Variants in TTN observed in about 807,000 individuals in gnomAD.
TTN encodes titin.
Under a neutral mutation model 3,223.0 loss-of-function variants are expected in TTN, and 1,525 were observed. The ratio of observed to expected loss-of-function variants is 0.47; its 90% CI spans 0.45 to 0.49. The LOEUF (loss-of-function observed/expected upper bound fraction) is 0.49. Among genes scored for constraint, TTN ranks in the 20% least tolerant of loss-of-function variants. TTN has a pLI of 0.00. For synonymous variants in TTN, 14,094 were observed against 15,161.0 expected, an observed-to-expected ratio of 0.93 and a Z score of 5.17; for missense variants, 40,786 against 43,424.0, an observed-to-expected ratio of 0.94 and a Z score of 5.40.
chr2:178,624,321 A>T (rs2058716226), intron 242 of TTN, 144 bp downstream of exon 242: 1 of 942,330 alleles, frequency 1.1e-6, no homozygotes, highest in African/African-American at 1.7e-5. Context: ...CACATAAAGG[A>T]TCAGGTTAGG....
At chr2:178,555,856 C>T (rs1186425376) in intron 330 of TTN, 3 of 152,262 alleles carry the variant, frequency 2.0e-5, no homozygotes, top group Non-Finnish European at 4.4e-5. Context: ...ATACCTGACT[C>T]TCATGACGTT....
rs397517570 is a variant in TTN, at chr2:178,781,121, C to T, written c.3523G>A (p.Ala1175Thr). The change falls in exon 21 of 363, where the codon GCT (alanine) becomes ACT (threonine). Residue 1175 changes from alanine to threonine, a missense_variant and splice_region_variant. By Grantham distance (58) the Ala-to-Thr change is moderately conservative. Coordinates refer to ENST00000589042, the MANE Select transcript of TTN (RefSeq NM_001267550.2). ...ACATAGAAACTGGAGTTGCACTTAC[C>T]TTCTTCAAGCAAGGAAGCAGATGCA... ...TSASASLLEE[A>T]DYELLMKSQQ... The T allele has an allele frequency of 8.1e-5, 131 of 1,613,912 alleles. 1 individual carries two copies. In the South Asian group the frequency reaches 1.1e-3, roughly 14 times the overall value.
intron 288 of TTN, chr2:178,600,555 G>A: frequency 2.6e-6 from 1 of 378,626 alleles, no homozygotes; most frequent in Non-Finnish European, 5.0e-6. Flanking sequence ...TGTCCCTTTT[G>A]AGGAGCATGC....
chr2:178,704,869 C>G lies in TTN; in HGVS notation c.29694+8G>C. On this transcript the variant is annotated splice_region_variant and intron_variant, in intron 104 of 362. Transcript: ENST00000589042. ...TGTTCATTTTATTATCAACATAATT[C>G]TTTTTACCTCTGTCTGTGACAGTCT... 3 of 1,611,832 alleles carry G rather than the reference C, an allele frequency of 1.9e-6. No individual in the cohort carries two copies. The highest frequency in any genetic ancestry group is 2.5e-6 in the Non-Finnish European group (3 of 1,179,336).
Position 178,706,915 on chromosome 2 carries a change from A to G in TTN, c.29081T>C (p.Val9694Ala). Residue 9694 changes from valine to alanine, a missense_variant, in exon 101 of 363, where the codon GTA becomes GCA. By Grantham distance (64) the Val-to-Ala change is moderately conservative. Transcript: ENST00000589042. ...AVAPATKKAA[V>A]DGRLFFVSEP... is the part of the protein sequence containing the mutation. ...TGACACAAAAAAGAGTCTTCCATCT[A>G]CCGCAGCTTTCTTGGTTGCTGGGGC... The G allele has an allele frequency of 6.2e-7, 1 of 1,612,200 alleles. No homozygotes were observed. Among genetic ancestry groups the G allele is most frequent in the Non-Finnish European group, 8.5e-7 (1 of 1,179,094 alleles).
In TTN at chr2:178,725,959, G is replaced by A; in HGVS notation, c.20363C>T (p.Pro6788Leu). The A allele has an allele frequency of 6.2e-7, 1 of 1,611,966 alleles. No homozygotes were observed. The highest frequency in any genetic ancestry group is 8.5e-7 in the Non-Finnish European group (1 of 1,178,862). Residue 6788 changes from proline (P) to leucine (L), a missense_variant, in exon 70 of 363, where the codon CCA (proline) becomes CTA (leucine). By Grantham distance (98) the Pro-to-Leu change is moderately conservative. Coordinates refer to ENST00000589042, the MANE Select transcript of TTN (RefSeq NM_001267550.2). ...VSLECELSGTPPFEVVWYKDK... is the reference protein window; with the variant it reads ...VSLECELSGTLPFEVVWYKDK... ...TTTGTACCATACCACCTCAAACGGTGGTGTTCCCGAAAGTTCACATTCAAG... is the reference window on the plus strand; with the variant it reads ...TTTGTACCATACCACCTCAAACGGTAGTGTTCCCGAAAGTTCACATTCAAG...
chr2:178,764,349 G>A (rs2154339751), intron 42 of TTN, 47 bp from the exon 43 acceptor site: 3 of 1,613,046 alleles, frequency 1.9e-6, no homozygotes, highest in Non-Finnish European at 2.5e-6. Flanking sequence ...TCACCATAGA[G>A]ACCTCACAGA....
rs759568659 is a variant in TTN at position 178,613,030 on chromosome 2, C to A, written c.49691G>T (p.Gly16564Val). The A allele has an allele frequency of 6.2e-7, 1 of 1,612,738 alleles. No individual in the cohort carries two copies. Among genetic ancestry groups the A allele is most frequent in the Admixed American group, 1.7e-5 (1 of 59,934 alleles). Reference sequence around the variant, plus strand: ...CCAATTCAACCTTACTGATGTTTTGCCTACATCTTTTACAGTTGGTTTTCC... The same window carrying A: ...CCAATTCAACCTTACTGATGTTTTGACTACATCTTTTACAGTTGGTTTTCC... Reference protein sequence around the residue: ...PPGKPTVKDVGKTSVRLNWTK... With the variant: ...PPGKPTVKDVVKTSVRLNWTK... The change falls in exon 265 of 363, where the codon GGC becomes GTC. Residue 16564 changes from glycine to valine, a missense_variant. By Grantham distance (109) the Gly-to-Val change is moderately radical. Transcript: ENST00000589042.
chr2:178,558,285 A>G, intron 327 of TTN, 50 bp from the exon 328 acceptor site: 3 of 1,588,440 alleles, frequency 1.9e-6, no homozygotes, highest in Non-Finnish European at 2.6e-6. Flanking sequence ...TCTGAAAATT[A>G]ACATAAATCA....
In TTN at chr2:178,573,132, C is replaced by A; in HGVS notation, c.73000G>T (p.Asp24334Tyr). 2 of 1,613,284 alleles carry A rather than the reference C, an allele frequency of 1.2e-6. No homozygotes were observed. Among genetic ancestry groups the A allele is most frequent in the Non-Finnish European group, 1.7e-6 (2 of 1,179,538 alleles). ...ATTGAAATGGATGATCTGCTTGTAT[C>A]CAGAACACGTGGGTTACCTGGTGGT... is the stretch of plus-strand genomic sequence containing the variant. ...PGPPGNPRVLDTSRSSISIAW... is the reference protein window; with the variant it reads ...PGPPGNPRVLYTSRSSISIAW... The change falls in exon 326 of 363, where the codon GAT (aspartate) becomes TAT (tyrosine). Residue 24334 changes from aspartate to tyrosine, a missense_variant. By Grantham distance (160) the Asp-to-Tyr change is radical. Coordinates refer to ENST00000589042, the MANE Select transcript of TTN (RefSeq NM_001267550.2).
rs1262106961 is a variant in TTN, at chr2:178,621,829, T to C, written c.45082+11A>G. On this transcript the variant is annotated intron_variant, in intron 244 of 362. Coordinates refer to ENST00000589042, the MANE Select transcript of TTN (RefSeq NM_001267550.2). Reference sequence around the variant, plus strand: ...ACACATATACTTCACAAAGAATGACTTTACTCTTACCCAGAACTGTCAGCA... The same window carrying C: ...ACACATATACTTCACAAAGAATGACCTTACTCTTACCCAGAACTGTCAGCA... 6.2e-7 allele frequency: 1 copy of C among 1,611,662 alleles called. No individual in the cohort carries two copies.
rs1708181075 is a variant in TTN at position 178,571,525 on chromosome 2, C to A, written c.74607G>T (p.Lys24869Asn). Reference sequence around the variant, plus strand: ...CACATCCAGTCTTCAGTCTGCAAGCCTTTATTGTTGTCCTTGCAACTGTAG... The same window carrying A: ...CACATCCAGTCTTCAGTCTGCAAGCATTTATTGTTGTCCTTGCAACTGTAG... The part of the protein sequence containing the change: ...VSATVARTTI[K>N]ACRLKTGCEY... The change falls in exon 326 of 363, where the codon AAG becomes AAT. Residue 24869 changes from lysine to asparagine, a missense_variant. Lys to Asn is a moderately conservative substitution (Grantham distance 94). Coordinates refer to ENST00000589042, the MANE Select transcript of TTN (RefSeq NM_001267550.2). 6.2e-7 allele frequency: 1 copy of A among 1,613,132 alleles called. No homozygotes were observed.
chr2:178,702,001 T>A, intron 109 of TTN, 39 bp downstream of exon 109: 8 of 1,598,172 alleles, frequency 5.0e-6, no homozygotes, highest in Non-Finnish European at 6.8e-6. Flanking sequence ...TATGCCAAAT[T>A]TATTGTAAGC....
Position 178,592,065 on chromosome 2 carries a change from A to G in TTN, c.59839T>C (p.Tyr19947His), listed in dbSNP as rs1288648449. The change falls in exon 302 of 363, where the codon TAC (tyrosine) becomes CAC (histidine). Residue 19947 changes from tyrosine to histidine, a missense_variant. Transcript: ENST00000589042. ...TTCTCCGCAGCTACTCGGAAGAGGT[A>G]CTGGTTGCCTTCATTCAGATGCTTA... ...FAKHLNEGNQ[Y>H]LFRVAAENQY... The G allele has an allele frequency of 6.2e-7, 1 of 1,613,096 alleles. No individual in the cohort carries two copies. The highest frequency in any genetic ancestry group is 1.7e-5 in the Admixed American group (1 of 59,924).
At chr2:178,682,662 T>G (rs1335559468) in intron 135 of TTN, 35 bp downstream of exon 135, 2 of 1,559,708 alleles carry the variant, frequency 1.3e-6, no homozygotes, top group African/African-American at 2.8e-5. Flanking sequence ...GTGCACATAT[T>G]TAGTGTGGTT....
chr2:178,785,603 G>A lies in TTN; in HGVS notation c.2493+17C>T, dbSNP rs2093118349. 6.2e-7 allele frequency: 1 copy of A among 1,613,786 alleles called. No homozygotes were observed. The highest frequency in any genetic ancestry group is 2.2e-5 in the East Asian group (1 of 44,858). ...TTTCCTTTAAACATTTCTGTATCAT[G>A]CTCTGTAACTTCTTACCTCATATCC... On this transcript the variant is annotated intron_variant, in intron 15 of 362. Transcript: ENST00000589042.
Position 178,593,295 on chromosome 2 carries a change from T to A in TTN, c.58913A>T (p.Lys19638Ile), listed in dbSNP as rs1257692385. The A allele has an allele frequency of 6.2e-7, 1 of 1,613,298 alleles. No homozygotes were observed. The highest frequency in any genetic ancestry group is 1.1e-5 in the South Asian group (1 of 91,050). Residue 19638 changes from lysine to isoleucine, a missense_variant, in exon 299 of 363, where the codon AAA becomes ATA. Transcript: ENST00000589042. ...TTCTAGAAGATCAGGAACCCTAAAT[T>A]TAGTGTATGGATGAATAGGATCTTT... ...VTKDPIHPYTKFRVPDLLEGC... is the reference protein window; with the variant it reads ...VTKDPIHPYTIFRVPDLLEGC...
rs760039103 is a variant in TTN, at chr2:178,672,660, C to A, written c.34830G>T (p.Gln11610His). Residue 11610 changes from glutamine to histidine, a missense_variant, in exon 153 of 363, where the codon CAG becomes CAT. Transcript: ENST00000589042. The stretch of plus-strand genomic sequence containing the variant: ...CTTTGGCTGGGGGTGCCTCTTTTTT[C>A]TGAACAGGAACAGGTACTTTTTCCT... ...IPEEKVPVPVQKKEAPPAKVP... is the reference protein window; with the variant it reads ...IPEEKVPVPVHKKEAPPAKVP... 3 of 1,610,532 alleles carry A rather than the reference C, an allele frequency of 1.9e-6. No individual in the cohort carries two copies. The highest frequency in any genetic ancestry group is 2.5e-6 in the Non-Finnish European group (3 of 1,177,900).
At chr2:178,633,739 A>G in intron 231 of TTN, 63 bp from the exon 232 acceptor site, 3 of 1,605,356 alleles carry the variant, frequency 1.9e-6, no homozygotes. Context: ...TAAAGAGTAA[A>G]AGGTTGCAAA....
Sources: gnomAD v4.1 joint callset for allele counts on GRCh38, gnomAD v4.1.1 for gene constraint, MANE v1.5 for transcripts, NCBI Gene and HGNC (gene_info 2026-07-23, HGNC 2026-07-21) for gene names.